Variants in COL22A1 observed in about 807,000 individuals in gnomAD.
COL22A1 encodes the protein collagen alpha-1(XXII) chain.
COL22A1 carries 221 observed loss-of-function variants against 248.9 expected under a neutral mutation model. The ratio of observed to expected loss-of-function variants is 0.89; its 90% CI spans 0.80 to 0.99. COL22A1 has a LOEUF of 0.99. Ranked by LOEUF, COL22A1 falls within the 50% of genes least tolerant of loss-of-function variation. The probability of loss-of-function intolerance (pLI) is 0.00; values close to 1 mark genes in which losing one functional copy is unlikely to be tolerated. For synonymous variants in COL22A1, 891 were observed against 793.4 expected (o/e 1.12, Z -2.07); for missense variants, 2,240 against 2,179.0 (o/e 1.03, Z -0.56).
intron 1 of COL22A1, among the ~76,000 whole-genome samples, chr8:138,895,326 A>G (rs1397675561): frequency 6.6e-6 from 1 of 152,224 alleles, no homozygotes; most frequent in Non-Finnish European, 1.5e-5. Context: ...CAATCAACTG[A>G]TTCCAACGCT....
chr8:138,726,459 T>G (rs1182081326), intron 23 of COL22A1, among the ~76,000 whole-genome samples: 2 of 142,906 alleles, frequency 1.4e-5, no homozygotes, highest in African/African-American at 5.3e-5. Context: ...ATTGTGCCAT[T>G]GTACTCTGGC....
chr8:138,868,537 G>T (rs1190481323), intron 3 of COL22A1, among the ~76,000 whole-genome samples: 3 of 152,098 alleles, frequency 2.0e-5, no homozygotes, highest in African/African-American at 7.2e-5. Flanking sequence ...CAAGTGAAAG[G>T]TATTCAACTC....
chr8:138,713,423 A>G (rs1263670579), intron 30 of COL22A1, among the ~76,000 whole-genome samples: 1 of 152,202 alleles, frequency 6.6e-6, no homozygotes, highest in East Asian at 1.9e-4. Context: ...GAGCAACGGA[A>G]AACTCAAGAA....
intron 9 of COL22A1, among the ~76,000 whole-genome samples, chr8:138,808,402 G>C (rs1268108947): frequency 6.6e-6 from 1 of 152,134 alleles, no homozygotes; most frequent in Non-Finnish European, 1.5e-5. Context: ...GTATTCACTA[G>C]CTATTTTTAC....
chr8:138,614,030 C>A (rs1819116337), intron 55 of COL22A1, 110 bp from the exon 56 acceptor site: 1 of 818,066 alleles, frequency 1.2e-6, no homozygotes. Flanking sequence ...AAGGAACCAA[C>A]AAATTGTCCA....
At chr8:138,733,304 A>G (rs1830848655) in intron 23 of COL22A1, among the ~76,000 whole-genome samples, 1 of 152,220 alleles carries the variant, frequency 6.6e-6, no homozygotes, top group South Asian at 2.1e-4. Flanking sequence ...GTATAGATTT[A>G]TTGTAAAATT....
Position 138,656,033 on chromosome 8 carries a change from T to C in COL22A1, c.3286-89A>G. The stretch of plus-strand genomic sequence containing the variant: ...TTCAGAAAGCAAAAGGACTTTAAAG[T>C]GTGACACAATACGTGACACACTGCG... On this transcript the variant is annotated intron_variant, in intron 44 of 64. Coordinates refer to ENST00000303045, the MANE Select transcript of COL22A1 (RefSeq NM_152888.3). 5 of 1,058,548 alleles carry C rather than the reference T, an allele frequency of 4.7e-6. No homozygotes were observed. In the South Asian group the frequency reaches 6.4e-5, roughly 14 times the overall value. The allele number at this position is 1,058,548 out of a possible 1,614,324, so 65.6% of individuals were successfully genotyped here.
chr8:138,906,430 G>A (rs1302122241), intron 1 of COL22A1, among the ~76,000 whole-genome samples: 6 of 151,624 alleles, frequency 4.0e-5, no homozygotes, highest in Non-Finnish European at 7.4e-5. Context: ...TAAACTTAAC[G>A]TGTCTAGTCT....
chr8:138,691,978 G>A (rs543827960), intron 35 of COL22A1, among the ~76,000 whole-genome samples: 25 of 148,254 alleles, frequency 1.7e-4, no homozygotes, highest in Admixed American at 1.3e-3. Context: ...GTGTGGAGGT[G>A]TGTGTATGTG....
intron 10 of COL22A1, among the ~76,000 whole-genome samples, chr8:138,804,054 A>T (rs902217772): frequency 3.3e-5 from 5 of 152,060 alleles, no homozygotes; most frequent in African/African-American, 9.7e-5. Flanking sequence ...GGGCCCCTCT[A>T]TCCTGACTCT....
At chr8:138,816,152 C>T (rs1031701338) in intron 7 of COL22A1, among the ~76,000 whole-genome samples, 9 of 152,128 alleles carry the variant, frequency 5.9e-5, no homozygotes, top group East Asian at 1.9e-4. Context: ...CTGGCAAGGC[C>T]GCAGGGACAG....
chr8:138,755,937 C>G, intron 18 of COL22A1, 108 bp from the exon 19 acceptor site: 1 of 861,668 alleles, frequency 1.2e-6, no homozygotes, highest in Non-Finnish European at 1.9e-6. Flanking sequence ...ACACCCCTCC[C>G]TGTGCACCAC....
intron 1 of COL22A1, among the ~76,000 whole-genome samples, chr8:138,891,456 A>G (rs149299924): frequency 0.016 from 2,508 of 152,364 alleles, 28 homozygotes; most frequent in Non-Finnish European, 0.027. Flanking sequence ...GCACTAAACC[A>G]TTAACATACA....
intron 12 of COL22A1, among the ~76,000 whole-genome samples, chr8:138,792,600 G>A (rs530280382): frequency 1.3e-5 from 2 of 152,236 alleles, no homozygotes; most frequent in African/African-American, 4.8e-5. Context: ...CTAACCAGGA[G>A]AATGTGCCTG....
rs548271423 is a variant in COL22A1, at chr8:138,643,485, A to G, written c.3501+3144T>C. Among the ~76,000 whole-genome samples, 3 of 152,232 alleles carry G rather than the reference A, an allele frequency of 2.0e-5. No individual in the cohort carries two copies. In the South Asian group the frequency reaches 6.2e-4, roughly 32 times the overall value. On this transcript the variant is annotated intron_variant, in intron 47 of 64. Coordinates refer to ENST00000303045, the MANE Select transcript of COL22A1 (RefSeq NM_152888.3). The stretch of plus-strand genomic sequence containing the variant: ...ATTGGTTTTTTGCTTGCTTTTTACC[A>G]GTCATAATAACAGTGCCAACACCCT...
At chr8:138,695,432 G>C (rs1028447479) in intron 32 of COL22A1, among the ~76,000 whole-genome samples, 1 of 151,898 alleles carries the variant, frequency 6.6e-6, no homozygotes, top group Non-Finnish European at 1.5e-5. Context: ...GGGCTCAAGC[G>C]ATCCTCCCTG....
chr8:138,794,745 T>G (rs1816355500), intron 12 of COL22A1, among the ~76,000 whole-genome samples: 1 of 150,810 alleles, frequency 6.6e-6, no homozygotes, highest in Non-Finnish European at 1.5e-5. Flanking sequence ...AGAAGGAAAC[T>G]CTGTCATTTT....
chr8:138,909,652 G>C (rs1268469043), intron 1 of COL22A1, among the ~76,000 whole-genome samples: 2 of 152,182 alleles, frequency 1.3e-5, no homozygotes, highest in Admixed American at 1.3e-4. Flanking sequence ...TTAGTAACTG[G>C]GAGTGTACAA....
At chr8:138,804,372 G>A (rs376464755) in intron 10 of COL22A1, among the ~76,000 whole-genome samples, 7 of 152,306 alleles carry the variant, frequency 4.6e-5, no homozygotes, top group African/African-American at 1.7e-4. Flanking sequence ...TGCATCAGTT[G>A]CCCTTTTCAG....
Sources: allele counts gnomAD v4.1 joint callset (sites outside exome capture counted in the v4.1 genomes callset), GRCh38; gene constraint gnomAD v4.1.1; transcripts MANE v1.5; gene names NCBI Gene and HGNC (gene_info 2026-07-23, HGNC 2026-07-21).